The following FREM1 variants were observed in gnomAD, a reference collection of about 807,000 sequenced individuals.
FREM1 encodes FRAS1-related extracellular matrix protein 1.
In FREM1, 220 loss-of-function variants were observed where a neutral mutation model predicts 210.1. That is an observed-to-expected ratio of 1.05 (90% confidence interval 0.94 to 1.17). FREM1 has a LOEUF of 1.17. Among genes scored for constraint, FREM1 ranks in the 50% most tolerant of loss-of-function variants. FREM1 has a pLI of 0.00. For missense variants in FREM1, 3,454 were observed against 2,675.5 expected, an observed-to-expected ratio of 1.29 and a Z score of -6.42; for synonymous variants, 1,189 against 980.2, an observed-to-expected ratio of 1.21 and a Z score of -3.98.
chr9:14,869,032 G>A lies in FREM1; in HGVS notation c.-55C>T. The A allele has an allele frequency of 7.9e-7, 1 of 1,260,888 alleles. No homozygotes were observed. Among genetic ancestry groups the A allele is most frequent in the Non-Finnish European group, 1.1e-6 (1 of 917,724 alleles). 78.1% of individuals were successfully genotyped at this position (1,260,888 alleles called of 1,614,324 possible). A position where few individuals can be genotyped will look rare whatever the true frequency, so the allele number is the denominator to read the frequency against. On this transcript the variant is annotated 5_prime_UTR_variant, in exon 2 of 37. Coordinates refer to ENST00000380880, the MANE Select transcript of FREM1 (RefSeq NM_001379081.2). ...CCGGCGAAATCCCTTTAACAAAGGA[G>A]GGCTTCTGTGCTTCCTCCTGGAGGG...
chr9:14,860,610 TAC>T (rs780750055), intron 3 of FREM1, among the ~76,000 whole-genome samples: 32 of 142,776 alleles, frequency 2.2e-4, no homozygotes, highest in East Asian at 4.2e-4. Context: ...TACACATATA[TAC>T]ACACATATAT....
In FREM1 at chr9:14,768,475, T is replaced by A. The variant is rs373389827; in HGVS notation, c.5204+1249A>T. On this transcript the variant is annotated intron_variant, in intron 27 of 36. Transcript: ENST00000380880. ...GGTGGAGGTCATATGTTTTACATTT[T>A]GTAATCTCGAGATTACATTTTAATA... is the stretch of plus-strand genomic sequence containing the variant. 1.6e-4 allele frequency among the ~76,000 whole-genome samples: 25 copies of A among 152,248 alleles called. 1 individual carries two copies. Among genetic ancestry groups the A allele is most frequent in the African/African-American group, 5.5e-4 (23 of 41,560 alleles).
chr9:14,769,464 A>T (rs932573980), intron 27 of FREM1, among the ~76,000 whole-genome samples: 1 of 152,174 alleles, frequency 6.6e-6, no homozygotes, highest in African/African-American at 2.4e-5. Context: ...TGTGTATAAA[A>T]GTGTGTACCT....
chr9:14,799,953 C>T (rs1488407983), intron 20 of FREM1, among the ~76,000 whole-genome samples: 2 of 125,178 alleles, frequency 1.6e-5, no homozygotes, highest in South Asian at 3.2e-4. Flanking sequence ...CCCCCTCCCC[C>T]CACCCCACAA....
At position 14,868,946 on chromosome 9, in the gene FREM1, G is replaced by A. The variant is rs772028447; in HGVS notation, c.32C>T (p.Ala11Val). The change falls in exon 2 of 37, where the codon GCC becomes GTC. Residue 11 changes from alanine (A) to valine (V), a missense_variant. Ala to Val is a moderately conservative substitution (Grantham distance 64). Coordinates refer to ENST00000380880, the MANE Select transcript of FREM1 (RefSeq NM_001379081.2). ...GGCCAGGAGGAGCAGCAGCAGCACG[G>A]CATTCGCAGCCCCCCAACTCAGAGA... Reference protein sequence around the residue: MNSLSWGAANAVLLLLLLAWA... With the variant: MNSLSWGAANVVLLLLLLAWA... 6.3e-7 allele frequency: 1 copy of A among 1,593,796 alleles called. No individual in the cohort carries two copies. The highest frequency in any genetic ancestry group is 1.1e-5 in the South Asian group (1 of 88,332).
intron 3 of FREM1, among the ~76,000 whole-genome samples, chr9:14,860,584 CATATATAT>C (rs1216650409): frequency 4.3e-5 from 5 of 115,702 alleles, no homozygotes; most frequent in African/African-American, 1.8e-4. Context: ...TATATATACA[CATATATAT>C]ACATATATAC....
chr9:14,792,875 T>C lies in FREM1; in HGVS notation c.3849A>G (p.Glu1283=), dbSNP rs1851670032. ...GAGTTTCACCCATATTCATTGCAATTTCAGCCTTCCTGTAAAAAGAAAAAT... is the reference window on the plus strand; with the variant it reads ...GAGTTTCACCCATATTCATTGCAATCTCAGCCTTCCTGTAAAAAGAAAAAT... ...DEKPMLSKKA[E]IAMNMGETRI... The change falls in exon 22 of 37, where the codon GAA becomes GAG. Residue 1283 remains glutamate, a synonymous_variant. Coordinates refer to ENST00000380880, the MANE Select transcript of FREM1 (RefSeq NM_001379081.2). The C allele has an allele frequency of 6.3e-7, 1 of 1,574,806 alleles. No individual in the cohort carries two copies. The highest frequency in any genetic ancestry group is 8.6e-7 in the Non-Finnish European group (1 of 1,160,284).
At chr9:14,813,395 T>C (rs1240197034) in intron 15 of FREM1, among the ~76,000 whole-genome samples, 2 of 152,218 alleles carry the variant, frequency 1.3e-5, no homozygotes, top group Admixed American at 1.3e-4. Context: ...CCTCTTTCAT[T>C]AAACTCACAC....
intron 21 of FREM1, among the ~76,000 whole-genome samples, chr9:14,794,074 A>G (rs1851903622): frequency 6.6e-6 from 1 of 152,200 alleles, no homozygotes. Context: ...TCTGGTCAGA[A>G]TGAAATGTTT....
chr9:14,885,714 GTTAATGACT>G (rs143351997), intron 1 of FREM1, among the ~76,000 whole-genome samples: 25,358 of 152,012 alleles, frequency 0.17, 2,384 homozygotes, highest in East Asian at 0.5. Context: ...GAGCCACCAG[GTTAATGACT>G]TAATTTAGCT....
intron 1 of FREM1, among the ~76,000 whole-genome samples, chr9:14,887,394 C>T (rs1481400251): frequency 6.6e-6 from 1 of 152,224 alleles, no homozygotes; most frequent in Non-Finnish European, 1.5e-5. Flanking sequence ...CCCCTGTATC[C>T]TGACAATCTC....
intron 29 of FREM1, 66 bp from the exon 30 acceptor site, chr9:14,750,342 T>C: frequency 1.6e-6 from 2 of 1,286,614 alleles, no homozygotes; most frequent in South Asian, 2.6e-5. Flanking sequence ...GTCAGAGAAA[T>C]ATATTAATTA....
chr9:14,846,940 C>T (rs530199869), intron 7 of FREM1, among the ~76,000 whole-genome samples: 42 of 152,274 alleles, frequency 2.8e-4, no homozygotes, highest in African/African-American at 8.4e-4. Context: ...CTGATGCAGC[C>T]GGCTACCTCC....
intron 3 of FREM1, 71 bp downstream of exon 3, chr9:14,863,738 C>T: frequency 1.1e-6 from 1 of 896,070 alleles, no homozygotes; most frequent in Non-Finnish European, 1.8e-6. Flanking sequence ...TACATATCCA[C>T]AAGAAAAGCC....
Position 14,869,133 on chromosome 9 carries a change from C to A in FREM1, c.-156G>T. On this transcript the variant is annotated 5_prime_UTR_variant, in exon 2 of 37. Transcript: ENST00000380880. Reference sequence around the variant, plus strand: ...AGATCTTAACATGCCCCTTTCATTTCAAAGTCAGACAAGGGGGCCTTTCAG... The same window carrying A: ...AGATCTTAACATGCCCCTTTCATTTAAAAGTCAGACAAGGGGGCCTTTCAG... 1.8e-6 allele frequency: 1 copy of A among 557,624 alleles called. No homozygotes were observed. The highest frequency in any genetic ancestry group is 2.9e-5 in the South Asian group (1 of 34,048). The allele number at this position is 557,624 out of a possible 1,614,324, so 34.5% of individuals were successfully genotyped here.
intron 6 of FREM1, chr9:14,850,565 G>A (rs1328622547): frequency 3.3e-5 from 5 of 152,148 alleles, no homozygotes; most frequent in African/African-American, 1.2e-4. Context: ...GGCCTGTCGG[G>A]GTTGGGGGTG....
chr9:14,834,514 G>C (rs1027881900), intron 10 of FREM1, among the ~76,000 whole-genome samples: 1 of 152,118 alleles, frequency 6.6e-6, no homozygotes, highest in African/African-American at 2.4e-5. Flanking sequence ...TAATGCAAGG[G>C]TAAAATTTAG....
intron 1 of FREM1, among the ~76,000 whole-genome samples, chr9:14,907,247 T>C (rs1251132281): frequency 6.6e-6 from 1 of 152,196 alleles, no homozygotes; most frequent in East Asian, 1.9e-4. Flanking sequence ...TAATTTCTTA[T>C]CTTGATGGCC....
intron 28 of FREM1, among the ~76,000 whole-genome samples, chr9:14,759,353 T>C (rs1237006828): frequency 1.3e-5 from 2 of 151,678 alleles, no homozygotes; most frequent in Non-Finnish European, 2.9e-5. Flanking sequence ...CCACTAAAAA[T>C]ACAAAAATTA....
Sources: gnomAD v4.1 joint callset for allele counts (sites outside exome capture counted in the v4.1 genomes callset) on GRCh38, gnomAD v4.1.1 for gene constraint, MANE v1.5 for transcripts, NCBI Gene and HGNC (gene_info 2026-07-23, HGNC 2026-07-21) for gene names.